The following MAMDC2 variants were observed in gnomAD, a reference collection of about 807,000 sequenced individuals.
The protein encoded by MAMDC2 is MAM domain-containing protein 2.
MAMDC2 carries 57 observed loss-of-function variants against 89.8 expected under a neutral mutation model. That is an observed-to-expected ratio of 0.63 (90% confidence interval 0.51 to 0.79). The LOEUF is 0.79. Among genes scored for constraint, MAMDC2 ranks in the 30% least tolerant of loss-of-function variants. The pLI is 0.00. For synonymous variants in MAMDC2, 313 were observed against 293.4 expected (o/e 1.07, Z -0.68); for missense variants, 800 against 820.6 (o/e 0.97, Z 0.31).
chr9:70,125,808 T>C (rs1300648157), intron 5 of MAMDC2, among the ~76,000 whole-genome samples: 1 of 152,176 alleles, frequency 6.6e-6, no homozygotes, highest in Admixed American at 6.5e-5. Flanking sequence ...TCTCAGGTAA[T>C]GTTCTATTTC....
intron 2 of MAMDC2, among the ~76,000 whole-genome samples, chr9:70,058,959 G>T (rs1827085904): frequency 6.6e-6 from 1 of 152,192 alleles, no homozygotes; most frequent in Non-Finnish European, 1.5e-5. Flanking sequence ...GAACTCCTGT[G>T]AGAGTCTCAC....
At chr9:70,201,661 C>T (rs1019536480) in intron 11 of MAMDC2, among the ~76,000 whole-genome samples, 7 of 98,650 alleles carry the variant, frequency 7.1e-5, no homozygotes, top group African/African-American at 1.9e-4. Context: ...TGGTAGAATT[C>T]GGCTGTGAAT....
intron 11 of MAMDC2, among the ~76,000 whole-genome samples, chr9:70,186,970 TC>T (rs1212757493): frequency 6.6e-6 from 1 of 151,996 alleles, no homozygotes; most frequent in Non-Finnish European, 1.5e-5. Flanking sequence ...CCCAAACATC[TC>T]CCACTAGGTC....
intron 11 of MAMDC2, among the ~76,000 whole-genome samples, chr9:70,204,106 C>A (rs1483462704): frequency 1.3e-5 from 2 of 152,082 alleles, no homozygotes; most frequent in Non-Finnish European, 2.9e-5. Flanking sequence ...TGAGGAACTG[C>A]GTTCCTCTGG....
intron 7 of MAMDC2, among the ~76,000 whole-genome samples, chr9:70,139,464 G>T (rs1301703405): frequency 6.6e-6 from 1 of 151,054 alleles, no homozygotes; most frequent in Non-Finnish European, 1.5e-5. Context: ...CATTTTTTAT[G>T]GCTGCATAGT....
intron 2 of MAMDC2, chr9:70,087,575 CTGTGG>C (rs958699694): frequency 6.6e-6 from 1 of 152,138 alleles, no homozygotes; most frequent in African/African-American, 2.4e-5. Flanking sequence ...GGACCAATCA[CTGTGG>C]CAAAGGGTTT....
At chr9:70,212,005 GCACC>G (rs1416113016) in intron 11 of MAMDC2, among the ~76,000 whole-genome samples, 1 of 152,226 alleles carries the variant, frequency 6.6e-6, no homozygotes, top group African/African-American at 2.4e-5. Context: ...TCTCAGAGGG[GCACC>G]CAGCTGTATT....
intron 9 of MAMDC2, among the ~76,000 whole-genome samples, chr9:70,154,577 T>G (rs1056510535): frequency 6.1e-5 from 9 of 147,376 alleles, no homozygotes; most frequent in Non-Finnish European, 1.0e-4. Flanking sequence ...CAGGTTGGAA[T>G]GCAGTGGCAC....
At chr9:70,094,922 G>A (rs1394570377) in intron 2 of MAMDC2, among the ~76,000 whole-genome samples, 1 of 152,342 alleles carries the variant, frequency 6.6e-6, no homozygotes, top group Admixed American at 6.5e-5. Context: ...GGTCCACCAT[G>A]TACAGTTGTA....
intron 11 of MAMDC2, among the ~76,000 whole-genome samples, chr9:70,207,799 A>G (rs1266728037): frequency 2.0e-5 from 3 of 152,138 alleles, no homozygotes; most frequent in Non-Finnish European, 2.9e-5. Flanking sequence ...ATCTTGAATT[A>G]ATTTTTGTAT....
At chr9:70,127,322 A>G (rs2030598629) in intron 6 of MAMDC2, among the ~76,000 whole-genome samples, 2 of 152,204 alleles carry the variant, frequency 1.3e-5, no homozygotes, top group Admixed American at 1.3e-4. Context: ...AATCTGACCG[A>G]AAGCTGAGGA....
chr9:70,051,565 A>G (rs1826895634), intron 2 of MAMDC2, among the ~76,000 whole-genome samples: 1 of 152,310 alleles, frequency 6.6e-6, no homozygotes, highest in South Asian at 2.1e-4. Context: ...TCTTTGGTAG[A>G]TCACCCCAGC....
chr9:70,082,589 A>G (rs1206310393), intron 2 of MAMDC2: 1 of 152,112 alleles, frequency 6.6e-6, no homozygotes, highest in Non-Finnish European at 1.5e-5. Flanking sequence ...CTGCAAGACT[A>G]TTGGGGTATT....
At chr9:70,102,650 G>A (rs1017508920) in intron 2 of MAMDC2, among the ~76,000 whole-genome samples, 1 of 152,200 alleles carries the variant, frequency 6.6e-6, no homozygotes, top group Non-Finnish European at 1.5e-5. Flanking sequence ...CGTGGAGTCT[G>A]TACTTTTTGG....
intron 11 of MAMDC2, among the ~76,000 whole-genome samples, chr9:70,175,271 C>T (rs2118552095): frequency 6.6e-6 from 1 of 152,170 alleles, no homozygotes; most frequent in Non-Finnish European, 1.5e-5. Context: ...CACATTTGAC[C>T]AGCAACCATG....
intron 9 of MAMDC2, chr9:70,148,036 G>A (rs1467738514): frequency 1.3e-5 from 2 of 150,182 alleles, no homozygotes; most frequent in South Asian, 2.1e-4. Flanking sequence ...TAGAGTTATC[G>A]TGCTGCAACC....
At chr9:70,056,230 T>A (rs914578948) in intron 2 of MAMDC2, among the ~76,000 whole-genome samples, 2 of 152,254 alleles carry the variant, frequency 1.3e-5, no homozygotes, top group Non-Finnish European at 2.9e-5. Context: ...GTCTACAGAT[T>A]TCTTCTATTT....
chr9:70,143,379 T>C (rs911005735), intron 8 of MAMDC2, among the ~76,000 whole-genome samples, 175 bp from the exon 9 acceptor site: 2 of 152,252 alleles, frequency 1.3e-5, no homozygotes, highest in African/African-American at 4.8e-5. Flanking sequence ...ATCATTTCAA[T>C]AGAGGCACAT....
intron 5 of MAMDC2, among the ~76,000 whole-genome samples, chr9:70,120,915 G>A (rs774603359): frequency 2.0e-4 from 30 of 152,118 alleles, no homozygotes; most frequent in African/African-American, 4.8e-4. Flanking sequence ...TTTGGGTGCC[G>A]TCTGCTCACC....
Sources: gnomAD v4.1 joint callset for allele counts (sites outside exome capture counted in the v4.1 genomes callset) on GRCh38, gnomAD v4.1.1 for gene constraint, MANE v1.5 for transcripts, NCBI Gene and HGNC (gene_info 2026-07-23, HGNC 2026-07-21) for gene names.